Variants in PLA2G6 observed in about 807,000 individuals in gnomAD.
PLA2G6 encodes the protein phospholipase A2 group VI.
PLA2G6 carries 62 observed loss-of-function variants against 83.8 expected under a neutral mutation model. The observed-to-expected ratio is 0.74, with a 90% CI of 0.60 to 0.91. The LOEUF (loss-of-function observed/expected upper bound fraction) is 0.91. Among genes scored for constraint, PLA2G6 ranks in the 40% least tolerant of loss-of-function variants. The pLI is 0.00. For synonymous variants in PLA2G6, 417 were observed against 449.8 expected (o/e 0.93, Z 0.92); for missense variants, 944 against 1,102.0 (o/e 0.86, Z 2.03).
chr22:38,116,284 C>A (rs1416305898), intron 12 of PLA2G6, 73 bp from the exon 13 acceptor site: 1 of 1,545,102 alleles, frequency 6.5e-7, no homozygotes, highest in African/African-American at 1.4e-5. Flanking sequence ...ACAATTCACA[C>A]CCCAGGGCCT....
intron 12 of PLA2G6, 148 bp downstream of exon 12, chr22:38,120,611 C>T: frequency 1.0e-6 from 1 of 975,246 alleles, no homozygotes; most frequent in Non-Finnish European, 1.6e-6. Context: ...CCCCAGCCCT[C>T]TGCCTCCCTG....
chr22:38,134,957 G>GCCCCCCCCCC, intron 6 of PLA2G6, 31 bp downstream of exon 6: 2 of 995,346 alleles, frequency 2.0e-6, no homozygotes, highest in Non-Finnish European at 3.2e-6. Context: ...CCGGCCCCCT[G>GCCCCCCCCCC]CCCCACCCAC....
At position 38,128,366 on chromosome 22, in the gene PLA2G6, G is replaced by A; in HGVS notation, c.1251C>T (p.Pro417=). 6.2e-7 allele frequency: 1 copy of A among 1,613,814 alleles called. No homozygotes were observed. Among genetic ancestry groups the A allele is most frequent in the Non-Finnish European group, 8.5e-7 (1 of 1,179,842 alleles). Reference sequence around the variant, plus strand: ...CCTGCTCCGCGGGGACCCCGTGGATGGGTGGGAAGCAGTATTCGGCCCCCA... The same window carrying A: ...CCTGCTCCGCGGGGACCCCGTGGATAGGTGGGAAGCAGTATTCGGCCCCCA... ...RTVGAEYCFP[P]IHGVPAEQGS... The change falls in exon 9 of 17, where the codon CCC becomes CCT. Residue 417 remains proline, a synonymous_variant. Transcript: ENST00000332509. This position sits in a 1 kb window ranked among gnomAD's most constrained non-coding sequence, Gnocchi z 4.4.
intron 2 of PLA2G6, among the ~76,000 whole-genome samples, chr22:38,159,051 T>C (rs1358283433): frequency 6.6e-6 from 1 of 152,000 alleles, no homozygotes; most frequent in Non-Finnish European, 1.5e-5. Flanking sequence ...ATAAAAAAAT[T>C]AGCCGGGTGT....
At chr22:38,137,526 C>G (rs1214819920) in intron 5 of PLA2G6, 1 of 152,248 alleles carries the variant, frequency 6.6e-6, no homozygotes, top group Non-Finnish European at 1.5e-5. Flanking sequence ...TGGGAAAGGT[C>G]AGCTGCATTG....
chr22:38,126,199 G>A lies in PLA2G6; in HGVS notation c.1427+172C>T, dbSNP rs570312849. On this transcript the variant is annotated intron_variant, in intron 10 of 16. Coordinates refer to ENST00000332509, the MANE Select transcript of PLA2G6 (RefSeq NM_003560.4). ...CACCGCCCAGCATTAATGAACGAGCGACACAGGCTCTCCATGTTCTGTCTC... is the reference window on the plus strand; with the variant it reads ...CACCGCCCAGCATTAATGAACGAGCAACACAGGCTCTCCATGTTCTGTCTC... 176 of 690,980 alleles carry A rather than the reference G, an allele frequency of 2.5e-4. 1 individual carries two copies. Among genetic ancestry groups the A allele is most frequent in the South Asian group, 2.5e-3 (167 of 67,498 alleles). The allele number at this position is 690,980 out of a possible 1,614,324, so 42.8% of individuals were successfully genotyped here.
Position 38,111,715 on chromosome 22 carries a change from A to C in PLA2G6, c.*446T>G, listed in dbSNP as rs754079398. On this transcript the variant is annotated 3_prime_UTR_variant, in exon 17 of 17. Transcript: ENST00000332509. ...GGGGGACACCCATTTCTTTAGTCCC[A>C]GCCCCCAGGGAACGGAGCAGAGGGC... The C allele has an allele frequency of 2.0e-5, 5 of 249,154 alleles. No homozygotes were observed. The highest frequency in any genetic ancestry group is 4.0e-5 in the Non-Finnish European group (5 of 123,982). The allele number at this position is 249,154 out of a possible 1,614,324, so 15.4% of individuals were successfully genotyped here. A position where few individuals can be genotyped will look rare whatever the true frequency, so the allele number is the denominator to read the frequency against.
chr22:38,150,646 C>G (rs2089515384), intron 2 of PLA2G6: 1 of 152,056 alleles, frequency 6.6e-6, no homozygotes, highest in Non-Finnish European at 1.5e-5. Flanking sequence ...CCACATTACA[C>G]CTGTTGAAAA....
intron 2 of PLA2G6, among the ~76,000 whole-genome samples, chr22:38,166,778 A>G (rs912478679): frequency 1.3e-5 from 2 of 152,174 alleles, no homozygotes; most frequent in Non-Finnish European, 2.9e-5. Context: ...ACAGCAGCAC[A>G]GAGAAATGAA....
Position 38,142,849 on chromosome 22 carries a change from T to C in PLA2G6, c.609+256A>G, listed in dbSNP as rs4821747. ...ACTAACTGACTGGAGCTGGGCCTTT[T>C]TTGGGGTTTATTTTGCTGGGTTGGA... On this transcript the variant is annotated intron_variant, in intron 4 of 16. Coordinates refer to ENST00000332509, the MANE Select transcript of PLA2G6 (RefSeq NM_003560.4). 176,433 of 528,840 alleles carry C rather than the reference T, an allele frequency of 0.33. 32,051 individuals carry two copies. Among genetic ancestry groups the C allele is most frequent in the South Asian group, 0.42 (21,385 of 51,102 alleles). The allele number at this position is 528,840 out of a possible 1,614,324, so 32.8% of individuals were successfully genotyped here. A position where few individuals can be genotyped will look rare whatever the true frequency, so the allele number is the denominator to read the frequency against.
chr22:38,114,036 A>T (rs1025899546), intron 14 of PLA2G6, among the ~76,000 whole-genome samples: 1 of 152,102 alleles, frequency 6.6e-6, no homozygotes, highest in Non-Finnish European at 1.5e-5. Flanking sequence ...TACTTCATTT[A>T]ATCTCCAGCC....
At chr22:38,115,071 C>T (rs2087107681) in intron 14 of PLA2G6, among the ~76,000 whole-genome samples, 1 of 152,246 alleles carries the variant, frequency 6.6e-6, no homozygotes, top group Non-Finnish European at 1.5e-5. Flanking sequence ...TGCTCTGTCC[C>T]CAAGGGCCTC....
intron 2 of PLA2G6, among the ~76,000 whole-genome samples, chr22:38,160,628 C>T: frequency 6.6e-6 from 1 of 152,158 alleles, no homozygotes; most frequent in Non-Finnish European, 1.5e-5. Flanking sequence ...AGGTGGATCA[C>T]GAGGTCAGGA....
chr22:38,125,593 C>T (rs1365940696), intron 10 of PLA2G6: 1 of 459,412 alleles, frequency 2.2e-6, no homozygotes, highest in Middle Eastern at 5.5e-4. Context: ...GCACAAAGGA[C>T]GTGGGTTCGG....
At chr22:38,177,995 G>A (rs867218128) in intron 1 of PLA2G6, among the ~76,000 whole-genome samples, 7 of 152,120 alleles carry the variant, frequency 4.6e-5, no homozygotes, top group South Asian at 2.1e-4. Flanking sequence ...CAAGGCCCTC[G>A]TCTCAAAATG....
At chr22:38,112,374 C>G in intron 16 of PLA2G6, 69 bp from the exon 17 acceptor site, 1 of 1,575,114 alleles carries the variant, frequency 6.3e-7, no homozygotes, top group East Asian at 2.3e-5. Context: ...CAGCTAGGAC[C>G]AGGGTGGGCT....
In PLA2G6 at chr22:38,123,317, T is replaced by C; in HGVS notation, c.1428-59A>G. 6.6e-7 allele frequency: 1 copy of C among 1,507,076 alleles called. No homozygotes were observed. Among genetic ancestry groups the C allele is most frequent in the South Asian group, 1.2e-5 (1 of 83,094 alleles). The allele number at this position is 1,507,076 out of a possible 1,614,324, so 93.4% of individuals were successfully genotyped here. On this transcript the variant is annotated intron_variant, in intron 10 of 16. Transcript: ENST00000332509. The surrounding 1 kb of genome is among the most constrained non-coding windows in gnomAD (Gnocchi z 4.1). The stretch of plus-strand genomic sequence containing the variant: ...TCCTGCCACAGCCCAGTACTTTACA[T>C]CCACCCTCATAGCCCTTGTCCCCTG...
rs781630090 is a variant in PLA2G6, at chr22:38,145,530, G to A, written c.333C>T (p.Thr111=). The A allele has an allele frequency of 8.1e-6, 13 of 1,613,364 alleles. No individual in the cohort carries two copies. Among genetic ancestry groups the A allele is most frequent in the South Asian group, 4.4e-5 (4 of 90,902 alleles). The part of the protein sequence containing the change: ...VLHTEVLQHL[T]DLIRNHPSWS... ...AGCTGGGGTGGTTACGGATGAGGTC[G>A]GTCAGGTGCTGCAGGACCTCAGTGT... The change falls in exon 3 of 17, where the codon ACC becomes ACT. Residue 111 remains threonine, a synonymous_variant. Transcript: ENST00000332509.
chr22:38,156,654 T>C (rs1054652518), intron 2 of PLA2G6, among the ~76,000 whole-genome samples: 1 of 151,998 alleles, frequency 6.6e-6, no homozygotes, highest in African/African-American at 2.4e-5. Flanking sequence ...GGGGTTTCAC[T>C]GTGTTAGCCA....
Sources: gnomAD v4.1 joint callset for allele counts (sites outside exome capture counted in the v4.1 genomes callset) on GRCh38, gnomAD v4.1.1 for gene constraint, Gnocchi (gnomAD v3.1) non-coding constraint, MANE v1.5 for transcripts, NCBI Gene and HGNC (gene_info 2026-07-23, HGNC 2026-07-21) for gene names.